MAP3K7CL: variants seen among roughly 807,000 people sequenced by gnomAD.
The protein encoded by MAP3K7CL is MAP3K7 C-terminal-like protein.
A neutral mutation model predicts 18.6 loss-of-function variants in MAP3K7CL; 16 were observed. That is an observed-to-expected ratio of 0.86 (90% CI 0.58 to 1.31). The LOEUF (loss-of-function observed/expected upper bound fraction) is 1.31, where lower values mean the gene tolerates loss of function less well. Ranked by LOEUF, MAP3K7CL falls within the 50% of genes most tolerant of loss-of-function variation. The pLI, the probability that MAP3K7CL is intolerant of heterozygous loss-of-function variation, is 0.00. For synonymous variants in MAP3K7CL, 65 were observed against 66.8 expected, an observed-to-expected ratio of 0.97 and a Z score of 0.13; for missense variants, 163 against 174.4, an observed-to-expected ratio of 0.93 and a Z score of 0.37.
chr21:29,164,387 T>C (rs1319945267), intron 4 of MAP3K7CL, among the ~76,000 whole-genome samples: 1 of 152,234 alleles, frequency 6.6e-6, no homozygotes, highest in Non-Finnish European at 1.5e-5. Context: ...GTGTAGCTGA[T>C]TATGTTGCCT....
chr21:29,122,145 T>C (rs962201542), intron 4 of MAP3K7CL: 2 of 152,212 alleles, frequency 1.3e-5, no homozygotes, highest in Non-Finnish European at 2.9e-5. Flanking sequence ...CTTTGCAGGA[T>C]TTGTGAAAGG....
At chr21:29,174,575 T>C (rs1220027984) in intron 4 of MAP3K7CL, 137 bp from the exon 5 acceptor site, 20 of 1,053,344 alleles carry the variant, frequency 1.9e-5, no homozygotes, top group South Asian at 3.4e-5. Context: ...ATAAAAGTCA[T>C]TGGAGGCAAG....
At chr21:29,121,515 A>C (rs2086594364) in intron 4 of MAP3K7CL, among the ~76,000 whole-genome samples, 1 of 152,122 alleles carries the variant, frequency 6.6e-6, no homozygotes, top group Non-Finnish European at 1.5e-5. Flanking sequence ...AGGCTCATTC[A>C]GAGCTAAACT....
In MAP3K7CL at chr21:29,160,022, G is replaced by C. The variant is rs1205428283; in HGVS notation, c.214G>C (p.Val72Leu). 1 of 1,613,996 alleles carries C rather than the reference G, an allele frequency of 6.2e-7. No homozygotes were observed. Among genetic ancestry groups the C allele is most frequent in the East Asian group, 2.2e-5 (1 of 44,850 alleles). Reference protein sequence around the residue: ...HCQIAEEYHEVKKEITLLEQR... With the variant: ...HCQIAEEYHELKKEITLLEQR... ...CCAAATAGCAGAAGAATACCATGAG[G>C]TCAAAAAGGAAATCACCCTGCTTGA... Residue 72 changes from valine (V) to leucine (L), a missense_variant, in exon 4 of 5, where the codon GTC becomes CTC. By Grantham distance (32) the Val-to-Leu change is conservative (BLOSUM62 1). Transcript: ENST00000399928.
At chr21:29,118,100 T>C (rs1276707250) in intron 4 of MAP3K7CL, among the ~76,000 whole-genome samples, 1 of 143,070 alleles carries the variant, frequency 7.0e-6, no homozygotes, top group Non-Finnish European at 1.5e-5. Context: ...AAAAAATTTT[T>C]TTTGAGACGG....
upstream of MAP3K7CL, among the ~76,000 whole-genome samples, chr21:29,125,992 A>G (rs887602927): frequency 6.6e-6 from 1 of 152,260 alleles, no homozygotes; most frequent in Non-Finnish European, 1.5e-5. Context: ...AGCAGGGTTA[A>G]TACATAACTT....
At chr21:29,116,341 T>TA (rs2086504947) in intron 4 of MAP3K7CL, among the ~76,000 whole-genome samples, 1 of 152,300 alleles carries the variant, frequency 6.6e-6, no homozygotes, top group South Asian at 2.1e-4. Context: ...TACAAATATT[T>TA]AAAAAATATA....
chr21:29,161,138 T>A (rs1017546858), intron 4 of MAP3K7CL, among the ~76,000 whole-genome samples: 37 of 152,094 alleles, frequency 2.4e-4, no homozygotes, highest in African/African-American at 8.9e-4. Flanking sequence ...GGTGAAACCC[T>A]GTCTCTACTA....
intron 3 of MAP3K7CL, among the ~76,000 whole-genome samples, chr21:29,149,788 A>G (rs2087227611): frequency 6.6e-6 from 1 of 152,206 alleles, no homozygotes; most frequent in Non-Finnish European, 1.5e-5. Flanking sequence ...TTTCTGAGTG[A>G]TCTGTTGAAA....
intron 4 of MAP3K7CL, among the ~76,000 whole-genome samples, chr21:29,100,644 A>G (rs542727047): frequency 2.7e-4 from 40 of 149,574 alleles, no homozygotes; most frequent in African/African-American, 9.5e-4. Flanking sequence ...AAAGTGTAGT[A>G]GTTATCTATT....
At chr21:29,146,929 G>A (rs560248708) in intron 2 of MAP3K7CL, among the ~76,000 whole-genome samples, 96 of 152,256 alleles carry the variant, frequency 6.3e-4, no homozygotes, top group African/African-American at 2.2e-3. Context: ...AATGCCTTGT[G>A]TACTGCATTT....
At chr21:29,097,348 T>G (rs1424107370) in intron 4 of MAP3K7CL, among the ~76,000 whole-genome samples, 2 of 151,946 alleles carry the variant, frequency 1.3e-5, no homozygotes, top group African/African-American at 4.8e-5. Flanking sequence ...ATTTAGAACT[T>G]ATTATCCAAA....
At chr21:29,106,324 C>T (rs1367132332) in intron 4 of MAP3K7CL, among the ~76,000 whole-genome samples, 2 of 152,222 alleles carry the variant, frequency 1.3e-5, no homozygotes, top group East Asian at 3.9e-4. Context: ...GCTGGGACTA[C>T]AGGCATGCAC....
upstream of MAP3K7CL, among the ~76,000 whole-genome samples, chr21:29,082,692 G>T (rs2085855781): frequency 6.6e-6 from 1 of 152,200 alleles, no homozygotes; most frequent in African/African-American, 2.4e-5. Flanking sequence ...TGGCAGGGCA[G>T]TATCAAAGGC....
chr21:29,122,854 C>T (rs1480992657), intron 4 of MAP3K7CL, among the ~76,000 whole-genome samples: 1 of 152,038 alleles, frequency 6.6e-6, no homozygotes, highest in African/African-American at 2.4e-5. Flanking sequence ...CCCTCTTCTA[C>T]CCAGTATTTT....
In MAP3K7CL at chr21:29,079,971, T is replaced by G. The variant is rs529686293; in HGVS notation, c.-49+2258T>G. Among the ~76,000 whole-genome samples, 4 of 152,288 alleles carry G rather than the reference T, an allele frequency of 2.6e-5. No homozygotes were observed. In the South Asian group the frequency reaches 8.3e-4, roughly 32 times the overall value. On this transcript the variant is annotated intron_variant, in intron 1 of 7. Transcript: ENST00000341618. ...TGTCCCGGTGTCTTTTGTGCCTAGGTGTGATTGAGCTGGTTAGATTAATGG... is the reference window on the plus strand; with the variant it reads ...TGTCCCGGTGTCTTTTGTGCCTAGGGGTGATTGAGCTGGTTAGATTAATGG...
chr21:29,119,731 C>T (rs763066344), intron 4 of MAP3K7CL, among the ~76,000 whole-genome samples: 6 of 147,748 alleles, frequency 4.1e-5, no homozygotes, highest in South Asian at 2.1e-4. Context: ...GACATGATCT[C>T]GGCTCACTGC....
Position 29,175,475 on chromosome 21 carries a change from A to G in MAP3K7CL, c.*583A>G, listed in dbSNP as rs758631613. 1 of 152,232 alleles carries G rather than the reference A, an allele frequency of 6.6e-6. No homozygotes were observed. The highest frequency in any genetic ancestry group is 1.5e-5 in the Non-Finnish European group (1 of 68,046). 9.4% of individuals were successfully genotyped at this position (152,232 alleles called of 1,614,324 possible). On this transcript the variant is annotated 3_prime_UTR_variant, in exon 5 of 5. Transcript: ENST00000399928. ...CATATCCTAAAAGCTTCTTCATGAA[A>G]TTATTAGCAGAAACCATGTTTGTAA... is the stretch of plus-strand genomic sequence containing the variant.
At chr21:29,167,776 T>G (rs1342614305) in intron 4 of MAP3K7CL, among the ~76,000 whole-genome samples, 1 of 147,802 alleles carries the variant, frequency 6.8e-6, no homozygotes, top group African/African-American at 2.5e-5. Flanking sequence ...CTCGGCTCAC[T>G]GCAAGCTCCA....
Sources: allele counts gnomAD v4.1 joint callset (sites outside exome capture counted in the v4.1 genomes callset), GRCh38; gene constraint gnomAD v4.1.1; transcripts MANE v1.5; gene names NCBI Gene and HGNC (gene_info 2026-07-23, HGNC 2026-07-21).